The following PTPRN2 variants were observed in gnomAD, a reference collection of about 807,000 sequenced individuals.
PTPRN2 encodes protein tyrosine phosphatase receptor type N2.
Under a neutral mutation model 118.8 loss-of-function variants are expected in PTPRN2, and 74 were observed. The ratio of observed to expected loss-of-function variants is 0.62; its 90% CI spans 0.52 to 0.76. The LOEUF is 0.76. PTPRN2 is among the 30% of genes least tolerant of loss of function. The pLI, the probability that PTPRN2 is intolerant of heterozygous loss-of-function variation, is 0.00. For missense variants in PTPRN2, 1,481 were observed against 1,394.4 expected (o/e 1.06, Z -0.99); for synonymous variants, 641 against 608.0 (o/e 1.05, Z -0.80).
chr7:157,691,078 C>CG (rs1276653281), intron 12 of PTPRN2, among the ~76,000 whole-genome samples: 1 of 123,938 alleles, frequency 8.1e-6, no homozygotes, highest in African/African-American at 2.9e-5. Context: ...CCCCCCCCCC[C>CG]CCCACATGTT....
At chr7:158,457,530 G>T (rs1306439876) in intron 2 of PTPRN2, among the ~76,000 whole-genome samples, 1 of 147,624 alleles carries the variant, frequency 6.8e-6, no homozygotes, top group Admixed American at 6.7e-5. Flanking sequence ...AGCCTGGCCT[G>T]GGGGGAGTCA....
intron 17 of PTPRN2, 113 bp downstream of exon 17, chr7:157,595,125 G>T: frequency 1.1e-6 from 1 of 938,328 alleles, no homozygotes; most frequent in Non-Finnish European, 1.7e-6. Context: ...AGTAACATTT[G>T]ATGAGCATTT....
intron 2 of PTPRN2, among the ~76,000 whole-genome samples, chr7:158,336,510 C>A (rs1329306287): frequency 2.1e-4 from 26 of 126,268 alleles, no homozygotes; most frequent in African/African-American, 7.6e-4. Context: ...CACTCACACC[C>A]ACACTCTCAC....
At chr7:158,267,193 T>C (rs1276276497) in intron 3 of PTPRN2, among the ~76,000 whole-genome samples, 2 of 152,182 alleles carry the variant, frequency 1.3e-5, no homozygotes, top group Non-Finnish European at 2.9e-5. Flanking sequence ...AAGGAGCCAG[T>C]CAGGAAAAGG....
intron 11 of PTPRN2, among the ~76,000 whole-genome samples, chr7:157,923,823 G>A (rs943876414): frequency 6.6e-6 from 1 of 152,106 alleles, no homozygotes; most frequent in Non-Finnish European, 1.5e-5. Context: ...GGTCACACCC[G>A]AGATGGTTCT....
chr7:157,885,185 A>G (rs113264752), intron 12 of PTPRN2, among the ~76,000 whole-genome samples: 1,566 of 152,220 alleles, frequency 0.01, 12 homozygotes, highest in South Asian at 0.016. Context: ...GGCTGCCCTG[A>G]TAAGTGATTA....
chr7:157,713,049 G>A (rs1798727774), intron 12 of PTPRN2, among the ~76,000 whole-genome samples: 1 of 152,258 alleles, frequency 6.6e-6, no homozygotes, highest in Admixed American at 6.5e-5. Flanking sequence ...GAACGTGGCT[G>A]TGGGCGGGAT....
intron 1 of PTPRN2, among the ~76,000 whole-genome samples, chr7:158,507,452 T>C (rs1048132279): frequency 6.7e-6 from 1 of 149,970 alleles, no homozygotes; most frequent in African/African-American, 2.5e-5. Flanking sequence ...AGCCCTGTGC[T>C]GGGCAGGAAA....
At chr7:157,890,394 C>G (rs1796728571) in intron 12 of PTPRN2, among the ~76,000 whole-genome samples, 1 of 152,190 alleles carries the variant, frequency 6.6e-6, no homozygotes, top group African/African-American at 2.4e-5. Context: ...GTAATCCCAG[C>G]ACTTTGGGAG....
chr7:158,406,057 C>T (rs1380305939), intron 2 of PTPRN2, among the ~76,000 whole-genome samples: 59 of 81,398 alleles, frequency 7.2e-4, no homozygotes, highest in South Asian at 1.3e-3. Flanking sequence ...GACACGTGGC[C>T]GCACACTGAG....
At chr7:157,847,964 G>T (rs902946520) in intron 12 of PTPRN2, among the ~76,000 whole-genome samples, 6 of 151,692 alleles carry the variant, frequency 4.0e-5, no homozygotes, top group Admixed American at 3.9e-4. Context: ...CATCATGTAT[G>T]CCCGATGTTT....
At chr7:157,551,535 A>G (rs1798601731) in intron 21 of PTPRN2, among the ~76,000 whole-genome samples, 2 of 123,214 alleles carry the variant, frequency 1.6e-5, no homozygotes, top group East Asian at 2.6e-4. Flanking sequence ...CACACCCCAC[A>G]CACCCCACAG....
intron 21 of PTPRN2, among the ~76,000 whole-genome samples, chr7:157,549,613 G>C (rs1472864048): frequency 6.6e-6 from 1 of 152,202 alleles, no homozygotes; most frequent in Non-Finnish European, 1.5e-5. Context: ...TCTCACGGCA[G>C]GTGATGCTGG....
Position 157,982,130 on chromosome 7 carries a change from G to C in PTPRN2, c.1724-83393C>G, listed in dbSNP as rs2128830241. Among the ~76,000 whole-genome samples, 2 of 126,116 alleles carry C rather than the reference G, an allele frequency of 1.6e-5. 1 individual carries two copies. Among genetic ancestry groups the C allele is most frequent in the Non-Finnish European group, 3.6e-5 (2 of 54,836 alleles). The allele number at this position is 126,116 out of a possible 152,430, so 82.7% of individuals were successfully genotyped here. A position where few individuals can be genotyped will look rare whatever the true frequency, so the allele number is the denominator to read the frequency against. ...ACAGAGACAAGGAGGGGAATGCAGA[G>C]TGCAGCGTCCCCCATAAACCCCGAG... On this transcript the variant is annotated intron_variant, in intron 11 of 22. Coordinates refer to ENST00000389418, the MANE Select transcript of PTPRN2 (RefSeq NM_002847.5).
At chr7:158,171,743 G>A (rs1823722847) in intron 5 of PTPRN2, among the ~76,000 whole-genome samples, 3 of 152,132 alleles carry the variant, frequency 2.0e-5, no homozygotes, top group African/African-American at 4.8e-5. Flanking sequence ...TCTCAGCTCT[G>A]AGTTTAAAAT....
At chr7:158,461,884 A>T (rs1289554542) in intron 2 of PTPRN2, among the ~76,000 whole-genome samples, 1 of 95,816 alleles carries the variant, frequency 1.0e-5, no homozygotes, top group African/African-American at 3.7e-5. Flanking sequence ...AGTCTGAGTT[A>T]CTGAGCCTAA....
intron 2 of PTPRN2, among the ~76,000 whole-genome samples, chr7:158,325,834 C>T (rs897702037): frequency 1.3e-5 from 2 of 152,240 alleles, no homozygotes; most frequent in African/African-American, 2.4e-5. Context: ...GAGACAGACA[C>T]TCAGGTTTGC....
chr7:158,559,791 A>G (rs934812181), intron 1 of PTPRN2, among the ~76,000 whole-genome samples: 3 of 152,236 alleles, frequency 2.0e-5, no homozygotes, highest in African/African-American at 7.2e-5. Context: ...AAAGAAGGTC[A>G]TCTGAGAGGT....
chr7:158,125,361 C>A (rs374782481), intron 9 of PTPRN2, among the ~76,000 whole-genome samples: 40 of 140,206 alleles, frequency 2.9e-4, no homozygotes, highest in African/African-American at 9.8e-4. Context: ...CCCTGCCTCG[C>A]GTCCCTCCCA....
Sources: allele counts gnomAD v4.1 joint callset (sites outside exome capture counted in the v4.1 genomes callset), GRCh38; gene constraint gnomAD v4.1.1; transcripts MANE v1.5; gene names NCBI Gene and HGNC (gene_info 2026-07-23, HGNC 2026-07-21).